Variants in PDZRN4 observed in about 807,000 individuals in gnomAD.
PDZRN4 encodes PDZ domain containing ring finger 4, also known as PDZ domain-containing RING finger protein 4.
In PDZRN4, 70 loss-of-function variants were observed where a neutral mutation model predicts 99.0. The observed-to-expected ratio is 0.71, with a 90% CI of 0.58 to 0.86. PDZRN4 has a LOEUF of 0.86. Ranked by LOEUF, PDZRN4 falls within the 40% of genes least tolerant of loss-of-function variation. PDZRN4 has a pLI of 0.00. For missense variants in PDZRN4, 1,474 were observed against 1,331.2 expected (o/e 1.11, Z -1.67); for synonymous variants, 551 against 501.6 (o/e 1.10, Z -1.32).
rs191384764 is a variant in PDZRN4, at chr12:41,370,577, G to C, written c.844-135879G>C. On this transcript the variant is annotated intron_variant, in intron 3 of 9. Transcript: ENST00000402685. Reference sequence around the variant, plus strand: ...CTTTTTGCTTATCTGCTCAGGGCTTGATATTTTTCTACAATGAGGAATCTT... The same window carrying C: ...CTTTTTGCTTATCTGCTCAGGGCTTCATATTTTTCTACAATGAGGAATCTT... 1.3e-4 allele frequency among the ~76,000 whole-genome samples: 19 copies of C among 151,910 alleles called. No individual in the cohort carries two copies. In the East Asian group the frequency reaches 3.7e-3, roughly 29 times the overall value.
Position 41,232,940 on chromosome 12 carries a change from G to T in PDZRN4, c.843+38752G>T, listed in dbSNP as rs574910362. Among the ~76,000 whole-genome samples, 3 of 152,206 alleles carry T rather than the reference G, an allele frequency of 2.0e-5. No homozygotes were observed. The East Asian group carries it at 5.8e-4, about 29-fold the overall frequency. On this transcript the variant is annotated intron_variant, in intron 3 of 9. Coordinates refer to ENST00000402685, the MANE Select transcript of PDZRN4 (RefSeq NM_001164595.2). The stretch of plus-strand genomic sequence containing the variant: ...TTAAATAGGCAATCCTTTCCCCATT[G>T]CTTGTTTTTGTCAGGTTTGTCAAAG...
At chr12:41,444,898 T>G (rs1325870877) in intron 3 of PDZRN4, among the ~76,000 whole-genome samples, 1 of 152,054 alleles carries the variant, frequency 6.6e-6, no homozygotes, top group Non-Finnish European at 1.5e-5. Context: ...AAGAAAATCT[T>G]AAATGTCAGA....
intron 3 of PDZRN4, among the ~76,000 whole-genome samples, chr12:41,480,563 A>G (rs1937656269): frequency 6.6e-6 from 1 of 152,174 alleles, no homozygotes. Flanking sequence ...CAATGTATTT[A>G]CTTCTACATG....
At chr12:41,280,535 C>T (rs764505365) in intron 3 of PDZRN4, among the ~76,000 whole-genome samples, 13 of 152,094 alleles carry the variant, frequency 8.5e-5, no homozygotes, top group Non-Finnish European at 1.8e-4. Context: ...CGGGGAGGGG[C>T]GTCCGCATTA....
intron 3 of PDZRN4, among the ~76,000 whole-genome samples, chr12:41,264,800 G>A (rs931335753): frequency 3.9e-5 from 6 of 152,100 alleles, no homozygotes; most frequent in Non-Finnish European, 8.8e-5. Context: ...CATGTCATTT[G>A]AAGCAACCTG....
At chr12:41,273,064 T>C (rs1481208646) in intron 3 of PDZRN4, among the ~76,000 whole-genome samples, 1 of 152,052 alleles carries the variant, frequency 6.6e-6, no homozygotes, top group Admixed American at 6.6e-5. Flanking sequence ...GGGCTTCATT[T>C]AGTAGTCTGC....
intron 3 of PDZRN4, among the ~76,000 whole-genome samples, chr12:41,346,137 C>T (rs1454952374): frequency 6.6e-6 from 1 of 152,144 alleles, no homozygotes; most frequent in African/African-American, 2.4e-5. Context: ...TTGTGCGCAT[C>T]CCCTGAAAAG....
chr12:41,514,532 C>T (rs530193883), intron 5 of PDZRN4, among the ~76,000 whole-genome samples: 1 of 152,154 alleles, frequency 6.6e-6, no homozygotes, highest in African/African-American at 2.4e-5. Flanking sequence ...TAGCATGATG[C>T]ATGTATAGAG....
At chr12:41,378,256 TC>T (rs1373358115) in intron 3 of PDZRN4, among the ~76,000 whole-genome samples, 1 of 152,174 alleles carries the variant, frequency 6.6e-6, no homozygotes, top group Non-Finnish European at 1.5e-5. Flanking sequence ...TCATTCTTCT[TC>T]CTGTTAATAC....
At chr12:41,235,379 C>T (rs961346531) in intron 3 of PDZRN4, among the ~76,000 whole-genome samples, 2 of 152,004 alleles carry the variant, frequency 1.3e-5, no homozygotes, top group African/African-American at 4.8e-5. Flanking sequence ...TAAAGTTTAG[C>T]TTTTCAATAT....
chr12:41,461,103 G>A (rs557452719), intron 3 of PDZRN4, among the ~76,000 whole-genome samples: 1 of 152,194 alleles, frequency 6.6e-6, no homozygotes, highest in South Asian at 2.1e-4. Context: ...TGAGTCATTT[G>A]ACAAGTACTG....
intron 7 of PDZRN4, 67 bp downstream of exon 7, chr12:41,555,827 CT>C: frequency 2.4e-6 from 3 of 1,258,454 alleles, no homozygotes; most frequent in Non-Finnish European, 3.5e-6. Context: ...TACTTTGTTT[CT>C]TGTAAACTGT....
rs75219737 is a variant in PDZRN4, at chr12:41,347,428, C to T, written c.843+153240C>T. ...AATCATCTTTTTCTGTGCTTATTTG[C>T]TATTTGCATATCTTCTTTGGAGAAA... On this transcript the variant is annotated intron_variant, in intron 3 of 9. Transcript: ENST00000402685. Among the ~76,000 whole-genome samples, 1,183 of 152,150 alleles carry T rather than the reference C, an allele frequency of 7.8e-3. 9 individuals carry two copies. Among genetic ancestry groups the T allele is most frequent in the African/African-American group, 0.026 (1,082 of 41,522 alleles).
chr12:41,445,750 C>A (rs1047584679), intron 3 of PDZRN4, among the ~76,000 whole-genome samples: 4 of 152,014 alleles, frequency 2.6e-5, no homozygotes, highest in Admixed American at 2.6e-4. Flanking sequence ...GCACTGTTTT[C>A]TCTCATTTTC....
intron 3 of PDZRN4, among the ~76,000 whole-genome samples, chr12:41,262,969 A>G (rs1469721871): frequency 6.7e-6 from 1 of 148,276 alleles, no homozygotes. Context: ...ATGTATATAT[A>G]TATAAAATAT....
intron 2 of PDZRN4, 83 bp downstream of exon 2, chr12:41,191,627 G>A: frequency 9.3e-6 from 6 of 643,682 alleles, no homozygotes; most frequent in Non-Finnish European, 1.6e-5. Context: ...AAATAATAGA[G>A]GACTTAGCTT....
intron 5 of PDZRN4, among the ~76,000 whole-genome samples, chr12:41,534,780 T>A (rs116315043): frequency 4.6e-4 from 70 of 152,332 alleles, no homozygotes; most frequent in African/African-American, 1.6e-3. Flanking sequence ...CTTTCCACCA[T>A]GTATTTACTG....
intron 3 of PDZRN4, among the ~76,000 whole-genome samples, chr12:41,310,617 A>G (rs140986582): frequency 4.2e-4 from 64 of 152,308 alleles, no homozygotes; most frequent in South Asian, 6.2e-4. Flanking sequence ...ACTGTTGCTA[A>G]GTAATCAGTG....
Position 41,525,548 on chromosome 12 carries a change from C to T in PDZRN4, c.1203+15635C>T, listed in dbSNP as rs567414618. Among the ~76,000 whole-genome samples the T allele has an allele frequency of 2.0e-5, 3 of 152,066 alleles. No individual in the cohort carries two copies. In the South Asian group the frequency reaches 6.2e-4, roughly 32 times the overall value. On this transcript the variant is annotated intron_variant, in intron 5 of 9. Coordinates refer to ENST00000402685, the MANE Select transcript of PDZRN4 (RefSeq NM_001164595.2). Reference sequence around the variant, plus strand: ...ATAGTGTAAGTATATGCCACATATACACATATGAAACCATATAAATGATGG... The same window carrying T: ...ATAGTGTAAGTATATGCCACATATATACATATGAAACCATATAAATGATGG...
Sources: gnomAD v4.1 joint callset for allele counts (sites outside exome capture counted in the v4.1 genomes callset) on GRCh38, gnomAD v4.1.1 for gene constraint, MANE v1.5 for transcripts, NCBI Gene and HGNC (gene_info 2026-07-23, HGNC 2026-07-21) for gene names.